HGSNAT: variants seen among roughly 807,000 people sequenced by gnomAD.
The protein encoded by HGSNAT is transmembrane protein 76.
Under a neutral mutation model 85.2 loss-of-function variants are expected in HGSNAT, and 59 were observed. The observed-to-expected ratio is 0.69, with a 90% confidence interval of 0.56 to 0.86. The LOEUF (loss-of-function observed/expected upper bound fraction) is 0.86. HGSNAT is among the 40% of genes least tolerant of loss of function. The pLI is 0.00. For missense variants in HGSNAT, 756 were observed against 777.1 expected (o/e 0.97, Z 0.32); for synonymous variants, 321 against 304.5 (o/e 1.05, Z -0.56).
In HGSNAT at chr8:43,201,014, G is replaced by A. The variant is rs1446396503; in HGVS notation, c.*1445G>A. ...TTCCCTGGCTTTGTGAATGGATCAT[G>A]TGTCTCTAGGTATAAACCTGACATC... On this transcript the variant is annotated 3_prime_UTR_variant, in exon 18 of 18. Transcript: ENST00000379644. The surrounding 1 kb of genome is among the most constrained non-coding windows in gnomAD (Gnocchi z 4.4). 6.6e-6 allele frequency: 1 copy of A among 152,518 alleles called. No individual in the cohort carries two copies. The highest frequency in any genetic ancestry group is 2.4e-5 in the African/African-American group (1 of 41,450). 9.4% of individuals were successfully genotyped at this position (152,518 alleles called of 1,614,324 possible).
intron 11 of HGSNAT, among the ~76,000 whole-genome samples, chr8:43,186,953 T>G (rs893293380): frequency 7.9e-5 from 12 of 152,224 alleles, no homozygotes; most frequent in Non-Finnish European, 4.4e-5. Flanking sequence ...TGAGCAGTTT[T>G]GAGAGAGTTT....
At chr8:43,168,384 CTTTTTTT>C (rs34270087) in intron 5 of HGSNAT, among the ~76,000 whole-genome samples, 1 of 70,224 alleles carries the variant, frequency 1.4e-5, no homozygotes, top group Non-Finnish European at 2.3e-5. Context: ...AATAGTTGAT[CTTTTTTT>C]TTTTTTTTTT....
intron 14 of HGSNAT, chr8:43,194,418 C>T (rs1804640980): frequency 1.0e-6 from 1 of 985,274 alleles, no homozygotes; most frequent in Non-Finnish European, 1.2e-6. Flanking sequence ...AAAAGGTTTT[C>T]CTGATGGAGT....
intron 11 of HGSNAT, among the ~76,000 whole-genome samples, chr8:43,188,614 G>T (rs904374664): frequency 3.3e-5 from 5 of 152,114 alleles, no homozygotes; most frequent in African/African-American, 7.2e-5. Flanking sequence ...GGAGAAGTTT[G>T]TTATTACCAT....
At chr8:43,183,208 C>A (rs1477724049) in intron 11 of HGSNAT, among the ~76,000 whole-genome samples, 2 of 152,184 alleles carry the variant, frequency 1.3e-5, no homozygotes, top group Non-Finnish European at 2.9e-5. Flanking sequence ...ACTCTGTTAC[C>A]CAGGCTGGAG....
At chr8:43,171,154 G>A (rs544190790) in intron 7 of HGSNAT, among the ~76,000 whole-genome samples, 18 of 152,326 alleles carry the variant, frequency 1.2e-4, no homozygotes, top group African/African-American at 4.1e-4. Flanking sequence ...AGCCCTGGTA[G>A]AAGAACAAGG....
At chr8:43,198,088 G>A (rs1191125443) in intron 17 of HGSNAT, 136 bp downstream of exon 17, 1 of 630,994 alleles carries the variant, frequency 1.6e-6, no homozygotes, top group East Asian at 2.7e-5. Flanking sequence ...GCTGAGGGAG[G>A]AAGCAGCAGG....
intron 5 of HGSNAT, among the ~76,000 whole-genome samples, chr8:43,165,101 C>G (rs1248097709): frequency 7.0e-6 from 1 of 143,078 alleles, no homozygotes; most frequent in Non-Finnish European, 1.5e-5. Context: ...CTGTGTTGCC[C>G]AGGCTTGCAT....
At chr8:43,197,081 A>C in intron 15 of HGSNAT, 56 bp downstream of exon 15, 5 of 1,183,252 alleles carry the variant, frequency 4.2e-6, no homozygotes, top group Non-Finnish European at 5.0e-6. Context: ...ATAGATATTT[A>C]AAAGGAATAA....
At chr8:43,151,557 C>T (rs1802919994) in intron 2 of HGSNAT, among the ~76,000 whole-genome samples, 1 of 152,106 alleles carries the variant, frequency 6.6e-6, no homozygotes, top group Non-Finnish European at 1.5e-5. Context: ...AAACACTCAT[C>T]ATATGTTAAG....
rs1278201866 is a variant in HGSNAT at position 43,172,397 on chromosome 8, T to C, written c.820+11T>C. The C allele has an allele frequency of 6.4e-7, 1 of 1,566,692 alleles. No homozygotes were observed. The highest frequency in any genetic ancestry group is 1.7e-5 in the Admixed American group (1 of 59,890). The stretch of plus-strand genomic sequence containing the variant: ...ATGCAAGTTGGAATGGTAAGATATT[T>C]CCTAAAAGTAATGTTGCTTATATAC... On this transcript the variant is annotated intron_variant, in intron 8 of 17. Coordinates refer to ENST00000379644, the MANE Select transcript of HGSNAT (RefSeq NM_152419.3).
In HGSNAT at chr8:43,179,266, G is replaced by C. The variant is rs1309100503; in HGVS notation, c.1012+1032G>C. ...TGACCCCCCCACCACCCTCCCGGAC[G>C]GGGCGGCTGGCCAGGCAGAGGGGCT... On this transcript the variant is annotated intron_variant, in intron 10 of 17. Coordinates refer to ENST00000379644, the MANE Select transcript of HGSNAT (RefSeq NM_152419.3). 3.3e-5 allele frequency among the ~76,000 whole-genome samples: 5 copies of C among 151,346 alleles called. No individual in the cohort carries two copies. The South Asian group carries it at 8.3e-4, about 25-fold the overall frequency.
At position 43,169,176 on chromosome 8, in the gene HGSNAT, G is replaced by A; in HGVS notation, c.567G>A (p.Leu189=). 1.9e-6 allele frequency: 3 copies of A among 1,546,220 alleles called. No individual in the cohort carries two copies. Among genetic ancestry groups the A allele is most frequent in the Non-Finnish European group, 2.6e-6 (3 of 1,144,640 alleles). Residue 189 remains leucine, a synonymous_variant, in exon 6 of 18, where the codon TTG becomes TTA. Transcript: ENST00000379644. ...VISFLRLLLS[L]DDFNNWISKA... ...TGAGCCCTTTATTTATTTTCAGTTT[G>A]GATGACTTTAACAATTGGATTTCTA... is the stretch of plus-strand genomic sequence containing the variant.
Position 43,159,030 on chromosome 8 carries a change from T to A in HGSNAT, c.479T>A (p.Val160Asp). The A allele has an allele frequency of 6.2e-7, 1 of 1,613,764 alleles. No individual in the cohort carries two copies. The change falls in exon 4 of 18, where the codon GTT (valine) becomes GAT (aspartate). Residue 160 changes from valine (V) to aspartate (D), a missense_variant. Transcript: ENST00000379644. ...GACCTGGCTGTGAACGAGGATCCAG[T>A]TGATAGTAACCTTCGTACGTATATG... The part of the protein sequence containing the change: ...ACDLAVNEDP[V>D]DSNLPVSIAF...
intron 2 of HGSNAT, among the ~76,000 whole-genome samples, chr8:43,156,897 T>G (rs1309932975): frequency 6.6e-6 from 1 of 152,218 alleles, no homozygotes; most frequent in African/African-American, 2.4e-5. Context: ...TCTTTGAGTC[T>G]GTGTGTTCTT....
intron 10 of HGSNAT, chr8:43,181,944 A>G (rs182412331): frequency 2.2e-5 from 13 of 587,022 alleles, no homozygotes; most frequent in African/African-American, 1.9e-4. Context: ...CCCTCCCTCT[A>G]TTAAGAGGGA....
chr8:43,154,275 T>C (rs1202375269), intron 2 of HGSNAT, among the ~76,000 whole-genome samples: 1 of 152,050 alleles, frequency 6.6e-6, no homozygotes, highest in African/African-American at 2.4e-5. Flanking sequence ...ACATGTGCCA[T>C]GTTGGTGTGC....
chr8:43,168,176 C>G (rs537284161), intron 5 of HGSNAT: 12 of 156,266 alleles, frequency 7.7e-5, no homozygotes, highest in African/African-American at 2.6e-4. Context: ...GTCTTGGCCT[C>G]CCAAAGTGTT....
intron 1 of HGSNAT, among the ~76,000 whole-genome samples, chr8:43,141,802 C>T (rs905358672): frequency 2.6e-5 from 4 of 152,122 alleles, no homozygotes; most frequent in African/African-American, 9.7e-5. Context: ...ATTGCAAGGA[C>T]CCCGGGGAGG....
Sources: allele counts gnomAD v4.1 joint callset (sites outside exome capture counted in the v4.1 genomes callset), GRCh38; gene constraint gnomAD v4.1.1; non-coding constraint Gnocchi (gnomAD v3.1); transcripts MANE v1.5; gene names NCBI Gene and HGNC (gene_info 2026-07-23, HGNC 2026-07-21).